Variants in PTPRD observed in about 807,000 individuals in gnomAD.
PTPRD encodes the protein receptor-type tyrosine-protein phosphatase delta.
Under a neutral mutation model 214.5 loss-of-function variants are expected in PTPRD, and 34 were observed. That is an observed-to-expected ratio of 0.16 (90% CI 0.12 to 0.21). PTPRD has a LOEUF of 0.21. PTPRD is among the 10% of genes least tolerant of loss of function. The pLI, the probability that PTPRD is intolerant of heterozygous loss-of-function variation, is 1.00. For missense variants in PTPRD, 2,545 were observed against 2,398.7 expected (o/e 1.06, Z -1.27); for synonymous variants, 1,128 against 845.7 (o/e 1.33, Z -5.79).
chr9:8,412,657 T>G (rs546852981), intron 35 of PTPRD, among the ~76,000 whole-genome samples: 1 of 152,124 alleles, frequency 6.6e-6, no homozygotes, highest in African/African-American at 2.4e-5. Context: ...ACATCCCTGA[T>G]AGAAGACTAT....
intron 2 of PTPRD, among the ~76,000 whole-genome samples, chr9:10,605,887 C>T (rs1340674502): frequency 6.6e-6 from 1 of 151,754 alleles, no homozygotes; most frequent in Non-Finnish European, 1.5e-5. Flanking sequence ...ATTTATGCTG[C>T]CGTATTATGC....
intron 9 of PTPRD, among the ~76,000 whole-genome samples, chr9:9,385,604 G>C (rs140339403): frequency 1.3e-5 from 2 of 152,268 alleles, no homozygotes; most frequent in Non-Finnish European, 2.9e-5. Context: ...GCATGGCTAT[G>C]TGCATGCTTG....
intron 7 of PTPRD, among the ~76,000 whole-genome samples, chr9:9,717,850 G>A (rs537002006): frequency 6.6e-6 from 1 of 151,986 alleles, no homozygotes; most frequent in Non-Finnish European, 1.5e-5. Context: ...ACTTTTATCT[G>A]TAAAACACTT....
rs1486387330 is a variant in PTPRD, at chr9:8,514,193, T to C, written c.1543+3655A>G. Among the ~76,000 whole-genome samples the C allele has an allele frequency of 3.3e-5, 5 of 152,160 alleles. No homozygotes were observed. The East Asian group carries it at 9.6e-4, about 29-fold the overall frequency. On this transcript the variant is annotated intron_variant, in intron 21 of 45. Coordinates refer to ENST00000381196, the MANE Select transcript of PTPRD (RefSeq NM_002839.4). ...TAAAAAAATAAAGATATGGTCTGTCTACTTCAACATTACTTCTATATTTTT... is the reference window on the plus strand; with the variant it reads ...TAAAAAAATAAAGATATGGTCTGTCCACTTCAACATTACTTCTATATTTTT...
At chr9:9,566,651 A>G (rs2084634525) in intron 8 of PTPRD, among the ~76,000 whole-genome samples, 1 of 152,052 alleles carries the variant, frequency 6.6e-6, no homozygotes, top group Non-Finnish European at 1.5e-5. Flanking sequence ...AATTAGCACA[A>G]TTTACAAAGA....
intron 5 of PTPRD, among the ~76,000 whole-genome samples, chr9:9,932,666 CAGG>C (rs2087200336): frequency 9.0e-6 from 1 of 110,690 alleles, no homozygotes; most frequent in African/African-American, 3.8e-5. Context: ...GGATATTATC[CAGG>C]AGAACTTCCC....
At position 8,460,431 on chromosome 9, in the gene PTPRD, A is replaced by C; in HGVS notation, c.3855T>G (p.Ile1285Met). Residue 1285 changes from isoleucine (I) to methionine (M), a missense_variant, in exon 33 of 46, where the codon ATT becomes ATG. Ile to Met is a conservative substitution (Grantham distance 10). Transcript: ENST00000381196. ...CCTACCTTTTATAAAGAAGAATAGC[A>C]ATGACAATGCAGATGATAAAGACCA... Reference protein sequence around the residue: ...LAVVFIICIVIAILLYKRKRA... With the variant: ...LAVVFIICIVMAILLYKRKRA... 1 of 1,612,512 alleles carries C rather than the reference A, an allele frequency of 6.2e-7. No homozygotes were observed. The highest frequency in any genetic ancestry group is 1.1e-5 in the South Asian group (1 of 90,688).
intron 10 of PTPRD, among the ~76,000 whole-genome samples, chr9:9,131,334 G>A (rs1175162099): frequency 6.6e-6 from 1 of 152,098 alleles, no homozygotes; most frequent in African/African-American, 2.4e-5. Flanking sequence ...ATGTCCAGTA[G>A]CAATAAGACA....
intron 3 of PTPRD, among the ~76,000 whole-genome samples, chr9:10,163,925 C>T (rs1179825963): frequency 6.6e-6 from 1 of 151,156 alleles, no homozygotes; most frequent in African/African-American, 2.4e-5. Context: ...CATATTTTGC[C>T]ATTTATTTTC....
At chr9:8,820,189 A>G (rs1600839260) in intron 11 of PTPRD, among the ~76,000 whole-genome samples, 1 of 152,314 alleles carries the variant, frequency 6.6e-6, no homozygotes, top group East Asian at 1.9e-4. Flanking sequence ...TAGCTTTAAT[A>G]TAACCACAAA....
intron 8 of PTPRD, among the ~76,000 whole-genome samples, chr9:9,526,478 T>C (rs1057390984): frequency 6.6e-6 from 1 of 152,204 alleles, no homozygotes; most frequent in Non-Finnish European, 1.5e-5. Context: ...TAAATAAAAT[T>C]ACTACGAGTC....
intron 11 of PTPRD, among the ~76,000 whole-genome samples, chr9:9,007,383 A>C (rs2099480423): frequency 6.6e-6 from 1 of 151,654 alleles, no homozygotes; most frequent in Non-Finnish European, 1.5e-5. Flanking sequence ...TACCCTCCAA[A>C]GCCTCTAAAA....
intron 4 of PTPRD, among the ~76,000 whole-genome samples, chr9:10,012,963 A>G (rs907793392): frequency 6.6e-6 from 1 of 151,978 alleles, no homozygotes; most frequent in Non-Finnish European, 1.5e-5. Flanking sequence ...TCATGAATAG[A>G]TAAATAAAAT....
intron 2 of PTPRD, among the ~76,000 whole-genome samples, chr9:10,481,962 C>A (rs1027632195): frequency 6.6e-6 from 1 of 151,948 alleles, no homozygotes; most frequent in Non-Finnish European, 1.5e-5. Flanking sequence ...AAGACTTAGA[C>A]TTTATCCTCT....
At chr9:10,360,565 C>T (rs939664631) in intron 2 of PTPRD, among the ~76,000 whole-genome samples, 1 of 152,194 alleles carries the variant, frequency 6.6e-6, no homozygotes, top group Non-Finnish European at 1.5e-5. Context: ...GAAGTCACGA[C>T]ATGGCATGCA....
intron 2 of PTPRD, among the ~76,000 whole-genome samples, chr9:10,342,197 T>C (rs1004785259): frequency 6.6e-6 from 1 of 152,080 alleles, no homozygotes; most frequent in Non-Finnish European, 1.5e-5. Flanking sequence ...TATTGACTCC[T>C]GTCCACATCA....
At chr9:9,005,412 TA>T (rs139130494) in intron 11 of PTPRD, among the ~76,000 whole-genome samples, 38,434 of 151,922 alleles carry the variant, frequency 0.25, 5,876 homozygotes, top group Non-Finnish European at 0.35. Context: ...TAATGACTGT[TA>T]TTAATGATAA....
intron 8 of PTPRD, among the ~76,000 whole-genome samples, chr9:9,443,646 G>A (rs2089212305): frequency 6.6e-6 from 1 of 152,072 alleles, no homozygotes; most frequent in South Asian, 2.1e-4. Flanking sequence ...ATAGAGAAGG[G>A]GGTAGCTCAG....
chr9:9,285,130 C>A (rs534139252), intron 9 of PTPRD, among the ~76,000 whole-genome samples: 1 of 151,824 alleles, frequency 6.6e-6, no homozygotes. Context: ...GAATTCATTT[C>A]TTGAATAACA....
Sources: allele counts gnomAD v4.1 joint callset (sites outside exome capture counted in the v4.1 genomes callset), GRCh38; gene constraint gnomAD v4.1.1; transcripts MANE v1.5; gene names NCBI Gene and HGNC (gene_info 2026-07-23, HGNC 2026-07-21).